The following CPNE8 variants were observed in gnomAD, a reference collection of about 807,000 sequenced individuals.
CPNE8 encodes the protein copine-8.
CPNE8 carries 45 observed loss-of-function variants against 81.5 expected under a neutral mutation model. The ratio of observed to expected loss-of-function variants is 0.55; its 90% CI spans 0.44 to 0.71. CPNE8 has a LOEUF of 0.71. Ranked by LOEUF, CPNE8 falls within the 30% of genes least tolerant of loss-of-function variation. The pLI is 0.00. For missense variants in CPNE8, 594 were observed against 672.1 expected (o/e 0.88, Z 1.28); for synonymous variants, 252 against 226.3 (o/e 1.11, Z -1.02).
intron 1 of CPNE8, among the ~76,000 whole-genome samples, chr12:38,891,091 G>T (rs2137141949): frequency 6.6e-6 from 1 of 151,764 alleles, no homozygotes; most frequent in South Asian, 2.1e-4. Context: ...CACCATACCT[G>T]ACAAATTTTT....
intron 3 of CPNE8, among the ~76,000 whole-genome samples, chr12:38,871,273 C>T (rs1943988092): frequency 6.6e-6 from 1 of 152,108 alleles, no homozygotes; most frequent in Non-Finnish European, 1.5e-5. Context: ...TTCCAGTTGC[C>T]TCATTATTAG....
chr12:38,779,156 T>G (rs750805668), intron 6 of CPNE8, among the ~76,000 whole-genome samples: 2 of 152,162 alleles, frequency 1.3e-5, no homozygotes, highest in African/African-American at 2.4e-5. Flanking sequence ...GAACACACTT[T>G]ACAATGCTGA....
At chr12:38,894,957 A>T (rs1274971884) in intron 1 of CPNE8, among the ~76,000 whole-genome samples, 2 of 152,106 alleles carry the variant, frequency 1.3e-5, no homozygotes, top group African/African-American at 4.8e-5. Flanking sequence ...ATGATTATAA[A>T]ACCACTATTA....
At chr12:38,740,189 GCTCT>G (rs756068226) in intron 10 of CPNE8, among the ~76,000 whole-genome samples, 1 of 152,026 alleles carries the variant, frequency 6.6e-6, no homozygotes, top group South Asian at 2.1e-4. Context: ...TCATGATTTG[GCTCT>G]CTGTTTGTCT....
intron 1 of CPNE8, among the ~76,000 whole-genome samples, chr12:38,891,726 C>T (rs1169227314): frequency 1.3e-5 from 2 of 152,138 alleles, no homozygotes; most frequent in African/African-American, 2.4e-5. Context: ...GGATTACAGG[C>T]GTGAGCCACC....
At chr12:38,721,194 T>TCTAGG (rs1447476777) in intron 13 of CPNE8, 1 of 152,640 alleles carries the variant, frequency 6.6e-6, no homozygotes, top group African/African-American at 2.4e-5. Flanking sequence ...AGCTACCCAC[T>TCTAGG]CTAGGGCCTC....
intron 18 of CPNE8, among the ~76,000 whole-genome samples, chr12:38,672,532 G>A (rs1395640917): frequency 6.6e-6 from 1 of 152,138 alleles, no homozygotes; most frequent in African/African-American, 2.4e-5. Flanking sequence ...CTGGAAAGGT[G>A]TATGAGACAG....
intron 1 of CPNE8, among the ~76,000 whole-genome samples, chr12:38,898,319 AT>A (rs1331342145): frequency 6.6e-6 from 1 of 152,122 alleles, no homozygotes; most frequent in Non-Finnish European, 1.5e-5. Flanking sequence ...TGAAAAAAAA[AT>A]ATACCAGGGC....
Position 38,693,783 on chromosome 12 carries a change from G to A in CPNE8, c.1017C>T (p.Ala339=), listed in dbSNP as rs771614014. 1 of 1,612,956 alleles carries A rather than the reference G, an allele frequency of 6.2e-7. No homozygotes were observed. The highest frequency in any genetic ancestry group is 1.1e-5 in the South Asian group (1 of 90,856). ...LHYMNPYQLN[A]YGMALKAVGE... is the part of the protein sequence containing the mutation. ...CCACTGCTTTTAGTGCCATACCATA[G>A]GCATTCAGTTGGTAAGGATTCATGT... Residue 339 remains alanine, a synonymous_variant, in exon 15 of 20, where the codon GCC becomes GCT. Transcript: ENST00000331366.
chr12:38,887,911 C>A (rs1034199071), intron 1 of CPNE8, among the ~76,000 whole-genome samples: 1 of 152,166 alleles, frequency 6.6e-6, no homozygotes, highest in East Asian at 1.9e-4. Flanking sequence ...AAGCAGTAAC[C>A]ACATTTCAGC....
intron 8 of CPNE8, among the ~76,000 whole-genome samples, chr12:38,763,682 G>A (rs79297217): frequency 0.024 from 3,580 of 152,246 alleles, 69 homozygotes; most frequent in Non-Finnish European, 0.038. Context: ...TCAGCTCCTG[G>A]AAATGTTCTT....
chr12:38,898,748 G>A (rs1326556991), intron 1 of CPNE8, among the ~76,000 whole-genome samples: 6 of 152,110 alleles, frequency 3.9e-5, no homozygotes, highest in African/African-American at 7.2e-5. Context: ...TCCTTTCACC[G>A]CAGATCATTA....
rs149635442 is a variant in CPNE8 at position 38,751,527 on chromosome 12, A to G, written c.722+9320T>C. On this transcript the variant is annotated intron_variant, in intron 10 of 19. Transcript: ENST00000331366. Reference sequence around the variant, plus strand: ...TGATGTATTTAAATCTATGGACTACACATAGCAATTCTCAGCTTGAGTTGC... The same window carrying G: ...TGATGTATTTAAATCTATGGACTACGCATAGCAATTCTCAGCTTGAGTTGC... Among the ~76,000 whole-genome samples the G allele has an allele frequency of 2.0e-4, 30 of 152,322 alleles. 1 individual carries two copies. Among genetic ancestry groups the G allele is most frequent in the Admixed American group, 1.6e-3 (25 of 15,300 alleles).
At chr12:38,709,318 T>C (rs1940188723) in intron 13 of CPNE8, among the ~76,000 whole-genome samples, 1 of 152,226 alleles carries the variant, frequency 6.6e-6, no homozygotes. Context: ...TGAATGACAA[T>C]GCAGACAGAT....
intron 19 of CPNE8, among the ~76,000 whole-genome samples, chr12:38,654,751 T>A (rs1026490294): frequency 1.3e-5 from 2 of 152,066 alleles, no homozygotes; most frequent in African/African-American, 4.8e-5. Context: ...TGGGGCTTGG[T>A]TTCCTGTCAA....
intron 19 of CPNE8, among the ~76,000 whole-genome samples, chr12:38,664,026 G>A (rs186124819): frequency 7.9e-5 from 12 of 151,992 alleles, no homozygotes; most frequent in African/African-American, 2.2e-4. Context: ...ACAAAATTAC[G>A]GCTAGATAGG....
At chr12:38,749,641 A>C (rs922898961) in intron 10 of CPNE8, among the ~76,000 whole-genome samples, 2 of 152,158 alleles carry the variant, frequency 1.3e-5, no homozygotes, top group Non-Finnish European at 2.9e-5. Flanking sequence ...TAGCAAAGAG[A>C]CTGGCGGCAT....
At chr12:38,810,983 G>A (rs1942923869) in intron 6 of CPNE8, among the ~76,000 whole-genome samples, 1 of 151,984 alleles carries the variant, frequency 6.6e-6, no homozygotes, top group South Asian at 2.1e-4. Flanking sequence ...CTGTTTTGAA[G>A]GGCTCATGTA....
chr12:38,817,402 G>C (rs975197572), intron 6 of CPNE8, among the ~76,000 whole-genome samples: 2 of 152,080 alleles, frequency 1.3e-5, no homozygotes, highest in Admixed American at 1.3e-4. Context: ...CTCAGATAAA[G>C]GTGGGCCACT....
Sources: allele counts gnomAD v4.1 joint callset (sites outside exome capture counted in the v4.1 genomes callset), GRCh38; gene constraint gnomAD v4.1.1; transcripts MANE v1.5; gene names NCBI Gene and HGNC (gene_info 2026-07-23, HGNC 2026-07-21).